The following RIMS2 variants were observed in gnomAD, a reference collection of about 807,000 sequenced individuals.
The protein encoded by RIMS2 is regulating synaptic membrane exocytosis protein 2.
RIMS2 carries 59 observed loss-of-function variants against 174.4 expected under a neutral mutation model. The observed-to-expected ratio is 0.34, with a 90% CI of 0.27 to 0.42. The LOEUF (loss-of-function observed/expected upper bound fraction) is 0.42. Among genes scored for constraint, RIMS2 ranks in the 10% least tolerant of loss-of-function variants. The probability of loss-of-function intolerance (pLI) is 1.00; values close to 1 mark genes in which losing one functional copy is unlikely to be tolerated. For synonymous variants in RIMS2, 606 were observed against 572.5 expected (o/e 1.06, Z -0.84); for missense variants, 1,620 against 1,666.3 (o/e 0.97, Z 0.48).
Position 103,885,680 on chromosome 8 carries a change from C to T in RIMS2, c.1081C>T (p.Arg361Ter), listed in dbSNP as rs769811448. ...AATGCGGATCCATGCTGAAGTGTCCCGAGCACGGCATGAGAGAAGGCATAG... is the reference window on the plus strand; with the variant it reads ...AATGCGGATCCATGCTGAAGTGTCCTGAGCACGGCATGAGAGAAGGCATAG... The change falls in exon 4 of 24, where the codon CGA becomes TGA. Residue 361 changes from arginine to a stop codon, truncating the protein, a stop_gained. Transcript: ENST00000504942. LOFTEE classifies it high-confidence loss of function. 3.7e-6 allele frequency: 6 copies of T among 1,612,848 alleles called. No individual in the cohort carries two copies.
chr8:103,852,272 T>TGGGC, intron 3 of RIMS2, among the ~76,000 whole-genome samples: 1 of 151,984 alleles, frequency 6.6e-6, no homozygotes, highest in South Asian at 2.1e-4. Flanking sequence ...TGGACTCACA[T>TGGGC]AGGGACTTGG....
At chr8:104,179,690 C>T (rs1428649095) in intron 19 of RIMS2, among the ~76,000 whole-genome samples, 2 of 151,604 alleles carry the variant, frequency 1.3e-5, no homozygotes, top group East Asian at 3.9e-4. Context: ...AATGAATATA[C>T]ACCTATTTAT....
At chr8:104,013,202 A>G (rs2095812201) in intron 17 of RIMS2, among the ~76,000 whole-genome samples, 1 of 152,174 alleles carries the variant, frequency 6.6e-6, no homozygotes, top group South Asian at 2.1e-4. Context: ...TTTGTTGTTT[A>G]TTATAACTGA....
At chr8:104,193,024 G>A (rs2136461439) in intron 19 of RIMS2, among the ~76,000 whole-genome samples, 1 of 152,050 alleles carries the variant, frequency 6.6e-6, no homozygotes, top group Non-Finnish European at 1.5e-5. Flanking sequence ...TATACACTGA[G>A]AGAAAGAGTC....
chr8:103,570,731 A>T (rs2092743801), intron 1 of RIMS2, among the ~76,000 whole-genome samples: 1 of 152,190 alleles, frequency 6.6e-6, no homozygotes, highest in South Asian at 2.1e-4. Flanking sequence ...TTCAAAAATA[A>T]CACATTTATT....
chr8:103,892,579 A>G (rs936126783), intron 4 of RIMS2, among the ~76,000 whole-genome samples: 1 of 151,974 alleles, frequency 6.6e-6, no homozygotes, highest in Non-Finnish European at 1.5e-5. Context: ...TTATGTATTC[A>G]CTCCACCTAT....
At chr8:103,751,815 T>C (rs928873441) in intron 2 of RIMS2, among the ~76,000 whole-genome samples, 26 of 151,488 alleles carry the variant, frequency 1.7e-4, no homozygotes, top group South Asian at 4.2e-4. Context: ...TCTTGTAAAT[T>C]TGTTTGAGTT....
intron 2 of RIMS2, among the ~76,000 whole-genome samples, chr8:103,718,227 T>C (rs1198726476): frequency 6.7e-6 from 1 of 150,326 alleles, no homozygotes; most frequent in African/African-American, 2.5e-5. Context: ...AGGGAAAATA[T>C]CTAGATAGCT....
chr8:103,771,648 A>G (rs2098254649), intron 3 of RIMS2, among the ~76,000 whole-genome samples: 1 of 151,940 alleles, frequency 6.6e-6, no homozygotes, highest in Non-Finnish European at 1.5e-5. Context: ...TCATCTCTGG[A>G]ATGGGAAAAG....
At chr8:103,804,099 A>G (rs2154457773) in intron 3 of RIMS2, among the ~76,000 whole-genome samples, 1 of 152,320 alleles carries the variant, frequency 6.6e-6, no homozygotes, top group Middle Eastern at 3.4e-3. Context: ...CTAGTACAGC[A>G]TATTTCAAAA....
At chr8:104,166,222 A>T (rs2098797167) in intron 19 of RIMS2, among the ~76,000 whole-genome samples, 1 of 151,224 alleles carries the variant, frequency 6.6e-6, no homozygotes, top group South Asian at 2.1e-4. Flanking sequence ...GCCCGCCACC[A>T]CGCCCGGCTA....
chr8:103,942,084 C>A (rs920224774), intron 13 of RIMS2, among the ~76,000 whole-genome samples: 1 of 152,064 alleles, frequency 6.6e-6, no homozygotes, highest in African/African-American at 2.4e-5. Context: ...CAGATTATTT[C>A]ATTACCGAGG....
chr8:103,572,746 G>C (rs556131079), intron 1 of RIMS2, among the ~76,000 whole-genome samples: 1 of 151,914 alleles, frequency 6.6e-6, no homozygotes, highest in African/African-American at 2.4e-5. Flanking sequence ...ACTTTTTAAT[G>C]GGGTCATTTA....
intron 19 of RIMS2, among the ~76,000 whole-genome samples, chr8:104,152,805 T>A (rs1180607675): frequency 6.6e-6 from 1 of 152,146 alleles, no homozygotes; most frequent in African/African-American, 2.4e-5. Flanking sequence ...TTGTTTAGTA[T>A]TCTCTTTATT....
intron 1 of RIMS2, among the ~76,000 whole-genome samples, chr8:103,547,096 G>C (rs762413280): frequency 1.3e-5 from 2 of 152,184 alleles, no homozygotes; most frequent in Non-Finnish European, 1.5e-5. Context: ...TTAGTTTACA[G>C]AGGTAAAAGA....
At chr8:103,990,864 G>T (rs1356325008) in intron 17 of RIMS2, among the ~76,000 whole-genome samples, 1 of 151,806 alleles carries the variant, frequency 6.6e-6, no homozygotes. Flanking sequence ...ACAAATAAAT[G>T]CTGTCTAAAT....
intron 1 of RIMS2, among the ~76,000 whole-genome samples, chr8:103,654,895 C>G (rs985468343): frequency 6.6e-6 from 1 of 151,826 alleles, no homozygotes; most frequent in Non-Finnish European, 1.5e-5. Context: ...AAATATTCTA[C>G]CAGATAGCTA....
intron 3 of RIMS2, among the ~76,000 whole-genome samples, chr8:103,874,169 T>G (rs2099124896): frequency 6.6e-6 from 1 of 152,084 alleles, no homozygotes; most frequent in African/African-American, 2.4e-5. Context: ...TTCTAGTGGC[T>G]GTGAGAGTTA....
At chr8:103,976,212 G>A (rs2093409648) in intron 16 of RIMS2, 1 of 152,094 alleles carries the variant, frequency 6.6e-6, no homozygotes, top group African/African-American at 2.4e-5. Flanking sequence ...AAAGCAAGAT[G>A]GTTTTGTTTA....
Sources: allele counts gnomAD v4.1 joint callset (sites outside exome capture counted in the v4.1 genomes callset), GRCh38; gene constraint gnomAD v4.1.1; transcripts MANE v1.5; gene names NCBI Gene and HGNC (gene_info 2026-07-23, HGNC 2026-07-21).